The following LYZL6 variants were observed in gnomAD, a reference collection of about 807,000 sequenced individuals.
The protein encoded by LYZL6 is lysozyme-like protein 6.
A neutral mutation model predicts 15.0 loss-of-function variants in LYZL6; 21 were observed. The ratio of observed to expected loss-of-function variants is 1.40; its 90% CI spans 1.00 to 2.02. LYZL6 has a LOEUF of 2.02. Ranked by LOEUF, LYZL6 falls within the 30% of genes most tolerant of loss-of-function variation. The probability of loss-of-function intolerance (pLI) is 0.00; values close to 1 mark genes in which losing one functional copy is unlikely to be tolerated. For synonymous variants in LYZL6, 72 were observed against 67.8 expected, an observed-to-expected ratio of 1.06 and a Z score of -0.31; for missense variants, 173 against 180.5, an observed-to-expected ratio of 0.96 and a Z score of 0.24.
At chr17:35,936,873 A>G (rs2089378535) in intron 3 of LYZL6, 40 bp from the exon 4 acceptor site, 3 of 1,572,650 alleles carry the variant, frequency 1.9e-6, no homozygotes, top group Non-Finnish European at 2.6e-6. Context: ...GGCACAGAAG[A>G]CAGCCCCAAA....
At chr17:35,936,896 C>A in intron 3 of LYZL6, 63 bp from the exon 4 acceptor site, 1 of 1,437,476 alleles carries the variant, frequency 7.0e-7, no homozygotes. Flanking sequence ...TGGAGGCAGA[C>A]ACCAGCCCTC....
intron 1 of LYZL6, among the ~76,000 whole-genome samples, chr17:35,941,922 C>A (rs1264530469): frequency 6.6e-6 from 1 of 152,166 alleles, no homozygotes; most frequent in East Asian, 1.9e-4. Context: ...AAAGAAAAAA[C>A]AAAACAGTAT....
intron 4 of LYZL6, among the ~76,000 whole-genome samples, chr17:35,935,910 T>C (rs2089368302): frequency 6.6e-6 from 1 of 151,320 alleles, no homozygotes; most frequent in African/African-American, 2.4e-5. Context: ...ACCTCCCAGG[T>C]TCAAGCGATT....
intron 4 of LYZL6, 129 bp downstream of exon 4, chr17:35,936,626 C>A: frequency 1.4e-6 from 1 of 715,838 alleles, no homozygotes; most frequent in Non-Finnish European, 2.4e-6. Flanking sequence ...AGTTCCAAGC[C>A]CGTCCGCTAT....
intron 1 of LYZL6, among the ~76,000 whole-genome samples, chr17:35,940,977 T>C (rs2089420939): frequency 6.6e-6 from 1 of 152,238 alleles, no homozygotes; most frequent in African/African-American, 2.4e-5. Context: ...CTATGAACAT[T>C]AACATACTAG....
chr17:35,938,353 C>T (rs886632735), intron 2 of LYZL6, among the ~76,000 whole-genome samples: 1 of 152,138 alleles, frequency 6.6e-6, no homozygotes, highest in Non-Finnish European at 1.5e-5. Context: ...GGCGCGGTGG[C>T]TTATGCCTGT....
intron 3 of LYZL6, among the ~76,000 whole-genome samples, chr17:35,937,097 A>T (rs2089381263): frequency 6.6e-6 from 1 of 152,202 alleles, no homozygotes; most frequent in South Asian, 2.1e-4. Context: ...ATAGTGGTTC[A>T]CTCAAAGTTT....
At chr17:35,939,756 C>T (rs2089410744) in intron 1 of LYZL6, among the ~76,000 whole-genome samples, 198 bp from the exon 2 acceptor site, 1 of 152,054 alleles carries the variant, frequency 6.6e-6, no homozygotes, top group South Asian at 2.1e-4. Flanking sequence ...TCTCAGCCTC[C>T]CAAAGTGCTG....
chr17:35,940,630 A>G (rs1021523773), intron 1 of LYZL6, among the ~76,000 whole-genome samples: 4 of 152,176 alleles, frequency 2.6e-5, no homozygotes, highest in African/African-American at 9.6e-5. Flanking sequence ...ATTTTCATCA[A>G]TCCAAAACAA....
intron 3 of LYZL6, among the ~76,000 whole-genome samples, 177 bp from the exon 4 acceptor site, chr17:35,937,010 G>T (rs1003324357): frequency 1.3e-5 from 2 of 152,226 alleles, no homozygotes; most frequent in African/African-American, 4.8e-5. Context: ...GGTTCGAGGT[G>T]AAAGGGGGTG....
intron 1 of LYZL6, among the ~76,000 whole-genome samples, chr17:35,942,763 A>T (rs1026114009): frequency 1.3e-5 from 2 of 152,160 alleles, no homozygotes; most frequent in African/African-American, 4.8e-5. Flanking sequence ...GGGCCCCAGT[A>T]AAACAGTGGG....
rs115046865 is a variant in LYZL6, at chr17:35,935,041, T to A, written c.378-176A>T. Among the ~76,000 whole-genome samples, 1,145 of 152,178 alleles carry A rather than the reference T, an allele frequency of 7.5e-3. 14 individuals are homozygous for A. The highest frequency in any genetic ancestry group is 0.026 in the African/African-American group (1,090 of 41,508). ...TGACGAATCCTGTAAAACTCTCTCA[T>A]CTCTGGTGTTTGCCTGCTTCCCTGG... On this transcript the variant is annotated intron_variant, in intron 4 of 4. Coordinates refer to ENST00000615905, the MANE Select transcript of LYZL6 (RefSeq NM_020426.4).
At position 35,939,311 on chromosome 17, in the gene LYZL6, G is replaced by A; in HGVS notation, c.46C>T (p.Leu16=). The change falls in exon 2 of 5, where the codon CTA becomes TTA. Residue 16 remains leucine, a synonymous_variant. Transcript: ENST00000615905. Reference sequence around the variant, plus strand: ...CGACTGATGAGGCTGGCCTGATTTAGGGCAAGAAAGCTGCTGACCAAATAG... The same window carrying A: ...CGACTGATGAGGCTGGCCTGATTTAAGGCAAGAAAGCTGCTGACCAAATAG... ...LIYLVSSFLA[L]NQASLISRCD... is the part of the protein sequence containing the mutation. The A allele has an allele frequency of 6.2e-7, 1 of 1,614,126 alleles. No homozygotes were observed.
Position 35,936,779 on chromosome 17 carries a change from G to GAC in LYZL6, c.351_352dup (p.Ser118CysfsTer7), listed in dbSNP as rs1282464118. ...CCAGTTGTTCATCCCCCGTGCTCCGGACACAATCCTTTTTGCGCAGTGGAT... is the reference window on the plus strand; with the variant it reads ...CCAGTTGTTCATCCCCCGTGCTCCGGACACACAATCCTTTTTGCGCAGTGGAT... On this transcript the variant is annotated frameshift_variant, in exon 4 of 5. Coordinates refer to ENST00000615905, the MANE Select transcript of LYZL6 (RefSeq NM_020426.4). LOFTEE classifies it high-confidence loss of function. 1.9e-6 allele frequency: 3 copies of GAC among 1,613,794 alleles called. No homozygotes were observed. The Admixed American group carries it at 5.0e-5, about 27-fold the overall frequency.
chr17:35,936,981 C>A (rs1307472617), intron 3 of LYZL6, 148 bp from the exon 4 acceptor site: 3 of 672,362 alleles, frequency 4.5e-6, no homozygotes, highest in South Asian at 1.7e-5. Flanking sequence ...ATTTAGACAT[C>A]CCTACAATGG....
At chr17:35,940,266 A>G (rs2089415512) in intron 1 of LYZL6, among the ~76,000 whole-genome samples, 1 of 152,210 alleles carries the variant, frequency 6.6e-6, no homozygotes, top group Admixed American at 6.5e-5. Flanking sequence ...TTTGATGATT[A>G]AATGAAATAA....
At position 35,936,800 on chromosome 17, in the gene LYZL6, T is replaced by G. The variant is rs1267289010; in HGVS notation, c.332A>C (p.His111Pro). The change falls in exon 4 of 5, where the codon CAC becomes CCC. Residue 111 changes from histidine (H) to proline (P), a missense_variant. Coordinates refer to ENST00000615905, the MANE Select transcript of LYZL6 (RefSeq NM_020426.4). ...TCCGGACACAATCCTTTTTGCGCAG[T>G]GGATGCCTGCAAGAAGGTTGGGATT... is the stretch of plus-strand genomic sequence containing the variant. ...LLNPNLLAGI[H>P]CAKRIVSGAR... 2 of 1,613,838 alleles carry G rather than the reference T, an allele frequency of 1.2e-6. No homozygotes were observed. The highest frequency in any genetic ancestry group is 1.7e-6 in the Non-Finnish European group (2 of 1,180,006).
At chr17:35,935,020 G>A (rs1368576224) in intron 4 of LYZL6, among the ~76,000 whole-genome samples, 155 bp from the exon 5 acceptor site, 2 of 152,046 alleles carry the variant, frequency 1.3e-5, no homozygotes, top group African/African-American at 2.4e-5. Flanking sequence ...CCCCTCTGAC[G>A]AATCCTGTAA....
chr17:35,941,873 T>A (rs1469151174), intron 1 of LYZL6, among the ~76,000 whole-genome samples: 1 of 152,228 alleles, frequency 6.6e-6, no homozygotes, highest in Non-Finnish European at 1.5e-5. Flanking sequence ...TATCATGATC[T>A]TATAGGGTCT....
Sources: gnomAD v4.1 joint callset for allele counts (sites outside exome capture counted in the v4.1 genomes callset) on GRCh38, gnomAD v4.1.1 for gene constraint, MANE v1.5 for transcripts, NCBI Gene and HGNC (gene_info 2026-07-23, HGNC 2026-07-21) for gene names.